RIMS1: variants seen among roughly 807,000 people sequenced by gnomAD.
RIMS1 encodes the protein regulating synaptic membrane exocytosis protein 1.
A neutral mutation model predicts 214.1 loss-of-function variants in RIMS1; 83 were observed. The observed-to-expected ratio is 0.39, with a 90% CI of 0.32 to 0.47. The LOEUF (loss-of-function observed/expected upper bound fraction) is 0.47, where lower values mean the gene tolerates loss of function less well. Ranked by LOEUF, RIMS1 falls within the 20% of genes least tolerant of loss-of-function variation. RIMS1 has a pLI of 0.99. For missense variants in RIMS1, 2,050 were observed against 2,161.8 expected (o/e 0.95, Z 1.03); for synonymous variants, 793 against 786.8 (o/e 1.01, Z -0.13).
At chr6:72,258,924 C>T in intron 17 of RIMS1, 62 bp from the exon 18 acceptor site, 1 of 1,511,068 alleles carries the variant, frequency 6.6e-7, no homozygotes, top group Non-Finnish European at 9.2e-7. Flanking sequence ...TCACTTTAGT[C>T]TGTCTGCCTG....
chr6:71,978,276 A>T (rs1299130581), intron 2 of RIMS1, among the ~76,000 whole-genome samples: 1 of 152,172 alleles, frequency 6.6e-6, no homozygotes, highest in East Asian at 1.9e-4. Context: ...TCTATTGTTG[A>T]ATACTTTAGA....
At chr6:72,032,405 A>G (rs1191031226) in intron 2 of RIMS1, among the ~76,000 whole-genome samples, 1 of 152,142 alleles carries the variant, frequency 6.6e-6, no homozygotes, top group Non-Finnish European at 1.5e-5. Flanking sequence ...TTATACTGAT[A>G]TATATGGGTT....
At chr6:71,947,465 G>T (rs115740277) in intron 1 of RIMS1, among the ~76,000 whole-genome samples, 2 of 152,000 alleles carry the variant, frequency 1.3e-5, no homozygotes, top group Non-Finnish European at 2.9e-5. Flanking sequence ...GACAAATACC[G>T]CATGATTTCA....
At chr6:72,179,535 A>G in intron 4 of RIMS1, 40 bp from the exon 5 acceptor site, 1 of 1,411,340 alleles carries the variant, frequency 7.1e-7, no homozygotes, top group East Asian at 2.4e-5. Flanking sequence ...TATTTCCAAG[A>G]GGGCATAAAA....
At chr6:71,917,157 G>T (rs1267340863) in intron 1 of RIMS1, among the ~76,000 whole-genome samples, 1 of 152,108 alleles carries the variant, frequency 6.6e-6, no homozygotes, top group Non-Finnish European at 1.5e-5. Context: ...AAGATTAAAT[G>T]AGTTAAATAC....
intron 2 of RIMS1, among the ~76,000 whole-genome samples, chr6:72,080,448 C>T (rs1833084791): frequency 6.6e-6 from 1 of 152,134 alleles, no homozygotes; most frequent in African/African-American, 2.4e-5. Context: ...TGCCAGGCCT[C>T]CTGACTGGAG....
intron 2 of RIMS1, among the ~76,000 whole-genome samples, chr6:72,019,626 C>T (rs1258073454): frequency 6.6e-6 from 1 of 152,094 alleles, no homozygotes; most frequent in Non-Finnish European, 1.5e-5. Flanking sequence ...TGGCTGTAGA[C>T]TTAACATTCT....
chr6:72,169,994 T>C (rs115243107), intron 4 of RIMS1, among the ~76,000 whole-genome samples: 302 of 152,326 alleles, frequency 2.0e-3, no homozygotes, highest in Middle Eastern at 6.8e-3. Context: ...TCAAAGTCAT[T>C]GCTATAGTCC....
chr6:71,987,757 G>A (rs528765683), intron 2 of RIMS1, among the ~76,000 whole-genome samples: 1 of 152,308 alleles, frequency 6.6e-6, no homozygotes, highest in South Asian at 2.1e-4. Flanking sequence ...TTAGTCAAGG[G>A]TTTGAAGTTG....
chr6:72,188,817 T>G (rs938680347), intron 6 of RIMS1, among the ~76,000 whole-genome samples: 1 of 152,240 alleles, frequency 6.6e-6, no homozygotes, highest in Non-Finnish European at 1.5e-5. Flanking sequence ...AGGGATCTCC[T>G]GTATTCCATG....
intron 2 of RIMS1, among the ~76,000 whole-genome samples, chr6:72,074,191 T>G (rs1831237294): frequency 6.6e-6 from 1 of 152,162 alleles, no homozygotes; most frequent in Admixed American, 6.5e-5. Flanking sequence ...GAGAGGTAGT[T>G]TTCTAACTAG....
chr6:71,999,035 ATTG>A (rs1361326440), intron 2 of RIMS1, among the ~76,000 whole-genome samples: 1 of 151,996 alleles, frequency 6.6e-6, no homozygotes, highest in African/African-American at 2.4e-5. Context: ...AAGTTAGGAT[ATTG>A]TTATGATGTT....
rs2083381459 is a variant in RIMS1, at chr6:72,271,542, C to T, written c.3399-2807C>T. 2.0e-5 allele frequency among the ~76,000 whole-genome samples: 3 copies of T among 151,744 alleles called. No homozygotes were observed. The South Asian group carries it at 6.2e-4, about 32-fold the overall frequency. ...TTTTTTAGATAGTTAAGCTTCTTAG[C>T]CATGTTCTGCCAAGAGATATGCACC... On this transcript the variant is annotated intron_variant, in intron 22 of 33. Transcript: ENST00000521978.
intron 31 of RIMS1, among the ~76,000 whole-genome samples, chr6:72,398,020 G>A (rs2098799513): frequency 6.6e-6 from 1 of 151,964 alleles, no homozygotes; most frequent in Non-Finnish European, 1.5e-5. Flanking sequence ...TAACTAATTT[G>A]CAAATCTCAT....
intron 27 of RIMS1, 50 bp from the exon 28 acceptor site, chr6:72,313,456 T>C: frequency 6.4e-7 from 1 of 1,557,454 alleles, no homozygotes. Context: ...ATCTATGTTT[T>C]TTCCATTGTC....
chr6:71,930,896 G>A (rs1182892319), intron 1 of RIMS1, among the ~76,000 whole-genome samples: 4 of 151,944 alleles, frequency 2.6e-5, no homozygotes, highest in African/African-American at 7.2e-5. Flanking sequence ...ACAAAGACCA[G>A]CATCTACTCA....
intron 4 of RIMS1, among the ~76,000 whole-genome samples, chr6:72,126,099 G>T (rs1391734884): frequency 6.6e-6 from 1 of 151,624 alleles, no homozygotes; most frequent in East Asian, 1.9e-4. Context: ...GACCAGAGTT[G>T]TTCCTATTCG....
intron 6 of RIMS1, among the ~76,000 whole-genome samples, chr6:72,188,393 C>A (rs965321680): frequency 2.4e-4 from 36 of 152,202 alleles, no homozygotes; most frequent in Admixed American, 5.2e-4. Flanking sequence ...TACCAATCCC[C>A]AACCCAAATG....
intron 29 of RIMS1, among the ~76,000 whole-genome samples, chr6:72,348,763 T>C (rs1398848677): frequency 1.3e-5 from 2 of 151,798 alleles, no homozygotes; most frequent in East Asian, 1.9e-4. Context: ...ACCTCCAGAA[T>C]TGGTGCTGAT....
Sources: gnomAD v4.1 joint callset for allele counts (sites outside exome capture counted in the v4.1 genomes callset) on GRCh38, gnomAD v4.1.1 for gene constraint, MANE v1.5 for transcripts, NCBI Gene and HGNC (gene_info 2026-07-23, HGNC 2026-07-21) for gene names.